Variants in CSMD1 observed in about 807,000 individuals in gnomAD.
The protein encoded by CSMD1 is CUB and Sushi multiple domains 1.
In CSMD1, 213 loss-of-function variants were observed where a neutral mutation model predicts 417.5. The observed-to-expected ratio is 0.51, with a 90% CI of 0.46 to 0.57. The LOEUF (loss-of-function observed/expected upper bound fraction) is 0.57, where lower values mean the gene tolerates loss of function less well. CSMD1 is among the 20% of genes least tolerant of loss of function. The pLI, the probability that CSMD1 is intolerant of heterozygous loss-of-function variation, is 0.00. For synonymous variants in CSMD1, 2,862 were observed against 1,736.8 expected (o/e 1.65, Z -16.11); for missense variants, 6,923 against 4,529.7 (o/e 1.53, Z -15.17).
At chr8:3,478,533 G>A (rs1480153496) in intron 11 of CSMD1, among the ~76,000 whole-genome samples, 1 of 152,122 alleles carries the variant, frequency 6.6e-6, no homozygotes, top group Non-Finnish European at 1.5e-5. Flanking sequence ...AAGACAAGCT[G>A]GCCTGGGACC....
intron 8 of CSMD1, among the ~76,000 whole-genome samples, chr8:3,589,380 GT>G (rs398112117): frequency 4.6e-3 from 16 of 3,480 alleles, no homozygotes; most frequent in African/African-American, 0.013. Context: ...AGAAAATGTG[GT>G]GTGTGTGTGT....
chr8:3,240,783 C>A (rs181483020), intron 26 of CSMD1, among the ~76,000 whole-genome samples: 1 of 151,994 alleles, frequency 6.6e-6, no homozygotes, highest in Non-Finnish European at 1.5e-5. Context: ...GGTGGATAGG[C>A]AAAACAATCT....
chr8:3,516,147 T>G (rs188607398), intron 10 of CSMD1, among the ~76,000 whole-genome samples: 23 of 152,296 alleles, frequency 1.5e-4, no homozygotes, highest in Middle Eastern at 3.4e-3. Flanking sequence ...ATCTATGCAT[T>G]TTGATTTCAA....
rs367715641 is a variant in CSMD1, at chr8:2,978,728, A to G, written c.8450T>C (p.Phe2817Ser). 1.9e-6 allele frequency: 3 copies of G among 1,613,340 alleles called. No homozygotes were observed. Among genetic ancestry groups the G allele is most frequent in the Non-Finnish European group, 2.5e-6 (3 of 1,179,714 alleles). ...GTACAGGATACTCATTCCATACTCA[A>G]AACTCTCAGGGAAGTTCTGTTGCCC... ...RHGQQNFPESFEYGMSILYHC... is the reference protein window; with the variant it reads ...RHGQQNFPESSEYGMSILYHC... Residue 2817 changes from phenylalanine to serine, a missense_variant, in exon 55 of 70, where the codon TTT becomes TCT. Coordinates refer to ENST00000635120, the MANE Select transcript of CSMD1 (RefSeq NM_033225.6).
At chr8:4,943,962 G>T (rs770608593) in intron 1 of CSMD1, among the ~76,000 whole-genome samples, 1 of 152,158 alleles carries the variant, frequency 6.6e-6, no homozygotes, top group African/African-American at 2.4e-5. Flanking sequence ...TGTATTAAGG[G>T]AAAGAAACAT....
intron 3 of CSMD1, among the ~76,000 whole-genome samples, chr8:4,039,644 G>T (rs1585185276): frequency 6.6e-6 from 1 of 152,156 alleles, no homozygotes; most frequent in African/African-American, 2.4e-5. Context: ...GGACCTCATG[G>T]GACGTAATCA....
chr8:3,617,208 T>A (rs554989460), intron 7 of CSMD1, among the ~76,000 whole-genome samples: 2 of 152,318 alleles, frequency 1.3e-5, no homozygotes, highest in African/African-American at 4.8e-5. Context: ...ATTTACTAAC[T>A]TCTATACAAA....
At chr8:3,486,838 T>G (rs1170461207) in intron 11 of CSMD1, among the ~76,000 whole-genome samples, 1 of 152,236 alleles carries the variant, frequency 6.6e-6, no homozygotes, top group Non-Finnish European at 1.5e-5. Flanking sequence ...CCCAGTGGTT[T>G]GTTTATCCCC....
intron 4 of CSMD1, among the ~76,000 whole-genome samples, chr8:4,015,582 G>T (rs146800759): frequency 6.6e-6 from 1 of 150,688 alleles, no homozygotes; most frequent in Non-Finnish European, 1.5e-5. Context: ...GTTATTTAGT[G>T]GCATCTTGGC....
chr8:4,063,673 G>A (rs1310785482), intron 3 of CSMD1, among the ~76,000 whole-genome samples: 3 of 152,172 alleles, frequency 2.0e-5, no homozygotes, highest in South Asian at 4.1e-4. Flanking sequence ...CATTCTACCA[G>A]GAAGGATAAG....
intron 12 of CSMD1, among the ~76,000 whole-genome samples, chr8:3,468,315 C>T (rs146664285): frequency 8.5e-5 from 13 of 152,268 alleles, no homozygotes; most frequent in African/African-American, 2.2e-4. Flanking sequence ...GAATTTGGCT[C>T]ATAAAAATTT....
intron 2 of CSMD1, among the ~76,000 whole-genome samples, chr8:4,504,394 C>T (rs768474487): frequency 6.6e-6 from 1 of 152,026 alleles, no homozygotes; most frequent in Admixed American, 6.6e-5. Context: ...TCTGGAGATC[C>T]GATGAACAAC....
At chr8:3,663,201 G>A (rs184977573) in intron 7 of CSMD1, among the ~76,000 whole-genome samples, 1 of 152,080 alleles carries the variant, frequency 6.6e-6, no homozygotes, top group Non-Finnish European at 1.5e-5. Context: ...GAGAAAGCGT[G>A]AACAACAAAG....
intron 5 of CSMD1, among the ~76,000 whole-genome samples, chr8:3,895,385 T>C (rs575661728): frequency 5.6e-4 from 86 of 152,310 alleles, no homozygotes; most frequent in African/African-American, 2.0e-3. Context: ...ATATATTAAA[T>C]GAAATACTGT....
At chr8:4,478,929 T>G (rs778463516) in intron 2 of CSMD1, among the ~76,000 whole-genome samples, 4 of 152,200 alleles carry the variant, frequency 2.6e-5, no homozygotes, top group South Asian at 4.1e-4. Flanking sequence ...TGTACTTGAC[T>G]GACCTTAATT....
At chr8:4,976,083 G>A (rs1810546134) in intron 1 of CSMD1, among the ~76,000 whole-genome samples, 1 of 152,158 alleles carries the variant, frequency 6.6e-6, no homozygotes, top group Admixed American at 6.5e-5. Context: ...GTTGACACAT[G>A]TTCTCACCTA....
chr8:3,439,309 A>ATATATATATATATATATATATATAT, intron 12 of CSMD1, among the ~76,000 whole-genome samples: 9 of 62,442 alleles, frequency 1.4e-4, no homozygotes, highest in African/African-American at 5.3e-4. Flanking sequence ...ATATATATAT[A>ATATATATATATATATATATATATAT]TTTTTTTTTT....
intron 50 of CSMD1, among the ~76,000 whole-genome samples, chr8:3,038,880 C>T (rs1202082416): frequency 6.6e-6 from 1 of 152,142 alleles, no homozygotes; most frequent in Non-Finnish European, 1.5e-5. Flanking sequence ...GCCAGAGCCA[C>T]ATAGAGGCTT....
chr8:4,439,095 T>C (rs888560500), intron 2 of CSMD1, among the ~76,000 whole-genome samples: 2 of 152,198 alleles, frequency 1.3e-5, no homozygotes, highest in Non-Finnish European at 2.9e-5. Context: ...CTGTATTATA[T>C]GGTTCACACT....
Sources: allele counts gnomAD v4.1 joint callset (sites outside exome capture counted in the v4.1 genomes callset), GRCh38; gene constraint gnomAD v4.1.1; transcripts MANE v1.5; gene names NCBI Gene and HGNC (gene_info 2026-07-23, HGNC 2026-07-21).